Variants in IGSF21 observed in about 807,000 individuals in gnomAD.
IGSF21 encodes immunoglobulin superfamily member 21.
Under a neutral mutation model 46.8 loss-of-function variants are expected in IGSF21, and 28 were observed. That is an observed-to-expected ratio of 0.60 (90% CI 0.44 to 0.82). The LOEUF is 0.82. Among genes scored for constraint, IGSF21 ranks in the 40% least tolerant of loss-of-function variants. The pLI is 0.00. For missense variants in IGSF21, 624 were observed against 665.5 expected, an observed-to-expected ratio of 0.94 and a Z score of 0.69; for synonymous variants, 284 against 273.6, an observed-to-expected ratio of 1.04 and a Z score of -0.38.
At chr1:18,347,338 C>T (rs559952352) in intron 4 of IGSF21, among the ~76,000 whole-genome samples, 45 of 152,290 alleles carry the variant, frequency 3.0e-4, no homozygotes, top group African/African-American at 1.1e-3. Flanking sequence ...AGGAGACATG[C>T]CCACTGTCCC....
At chr1:18,336,771 A>G (rs2124607849) in intron 4 of IGSF21, among the ~76,000 whole-genome samples, 1 of 152,204 alleles carries the variant, frequency 6.6e-6, no homozygotes, top group African/African-American at 2.4e-5. Flanking sequence ...GTTGCTGATA[A>G]AGACATACCC....
intron 4 of IGSF21, among the ~76,000 whole-genome samples, chr1:18,350,135 C>T (rs2085936711): frequency 6.6e-6 from 1 of 152,094 alleles, no homozygotes; most frequent in Non-Finnish European, 1.5e-5. Context: ...ACCCACTGTC[C>T]ACTTGGCTTG....
intron 1 of IGSF21, chr1:18,114,906 C>T (rs2086175222): frequency 6.6e-6 from 1 of 152,240 alleles, no homozygotes; most frequent in Non-Finnish European, 1.5e-5. Flanking sequence ...TGCTTACAGG[C>T]CAGTAAGCTT....
At chr1:18,172,636 T>G (rs572472278) in intron 1 of IGSF21, among the ~76,000 whole-genome samples, 90 of 152,320 alleles carry the variant, frequency 5.9e-4, no homozygotes, top group African/African-American at 2.1e-3. Flanking sequence ...TCCTATCAGA[T>G]TAGTACCCCA....
intron 1 of IGSF21, among the ~76,000 whole-genome samples, chr1:18,117,097 G>T (rs1212220498): frequency 2.0e-5 from 3 of 152,214 alleles, no homozygotes; most frequent in Admixed American, 2.0e-4. Flanking sequence ...GCTCTAGGAA[G>T]ATTAATTTGG....
At chr1:18,353,799 C>T (rs1028810993) in intron 4 of IGSF21, among the ~76,000 whole-genome samples, 51 of 152,170 alleles carry the variant, frequency 3.4e-4, no homozygotes, top group African/African-American at 1.2e-3. Flanking sequence ...GTGTTTGGCG[C>T]ATGGTGATGG....
At chr1:18,185,693 A>G (rs928840782) in intron 1 of IGSF21, among the ~76,000 whole-genome samples, 1 of 151,964 alleles carries the variant, frequency 6.6e-6, no homozygotes, top group African/African-American at 2.4e-5. Context: ...AAGCAACTTT[A>G]CCTCTCCGTG....
chr1:18,257,983 G>A (rs746422668), intron 2 of IGSF21, among the ~76,000 whole-genome samples: 15 of 152,292 alleles, frequency 9.8e-5, no homozygotes, highest in South Asian at 2.1e-4. Context: ...AGGCAGGGCC[G>A]CTGGCTGCTG....
intron 3 of IGSF21, among the ~76,000 whole-genome samples, chr1:18,319,418 A>G (rs1486316632): frequency 6.6e-6 from 1 of 152,242 alleles, no homozygotes; most frequent in Non-Finnish European, 1.5e-5. Flanking sequence ...ATTTTGGGCA[A>G]CCATGTGTCC....
At chr1:18,312,796 G>T (rs1214104437) in intron 3 of IGSF21, among the ~76,000 whole-genome samples, 1 of 152,202 alleles carries the variant, frequency 6.6e-6, no homozygotes, top group African/African-American at 2.4e-5. Flanking sequence ...ACATTGACAG[G>T]TTCCAGGGAT....
chr1:18,318,175 G>A (rs1372040336), intron 3 of IGSF21, among the ~76,000 whole-genome samples: 1 of 152,208 alleles, frequency 6.6e-6, no homozygotes. Context: ...CATTTCCTGA[G>A]CCAGTGTAAC....
chr1:18,297,223 T>G (rs1387726523), intron 3 of IGSF21, among the ~76,000 whole-genome samples: 2 of 152,158 alleles, frequency 1.3e-5, no homozygotes, highest in African/African-American at 4.8e-5. Context: ...ATGTGGTAGA[T>G]GATTTGTAAA....
At position 18,347,370 on chromosome 1, in the gene IGSF21, A is replaced by C. The variant is rs11802241; in HGVS notation, c.424+12360A>C. ...TCCCACAGCAGTGAGTGGCGCTGAGATTGGAGCTCAGGTCTTCTGGGACCA... is the reference window on the plus strand; with the variant it reads ...TCCCACAGCAGTGAGTGGCGCTGAGCTTGGAGCTCAGGTCTTCTGGGACCA... On this transcript the variant is annotated intron_variant, in intron 4 of 9. Transcript: ENST00000251296. 8.8e-3 allele frequency among the ~76,000 whole-genome samples: 1,332 copies of C among 152,222 alleles called. 23 individuals carry two copies. Among genetic ancestry groups the C allele is most frequent in the African/African-American group, 0.031 (1,290 of 41,532 alleles).
intron 1 of IGSF21, among the ~76,000 whole-genome samples, chr1:18,162,853 G>A (rs561580994): frequency 1.7e-4 from 26 of 152,254 alleles, no homozygotes; most frequent in Admixed American, 4.6e-4. Flanking sequence ...CCAAAAGGAA[G>A]GAGCCGCTCT....
At chr1:18,216,060 G>A (rs747326629) in intron 1 of IGSF21, among the ~76,000 whole-genome samples, 24 of 152,184 alleles carry the variant, frequency 1.6e-4, no homozygotes, top group Non-Finnish European at 2.6e-4. Flanking sequence ...TATTACAATG[G>A]AATGTGTTTG....
chr1:18,331,273 C>T (rs950974413), intron 3 of IGSF21, among the ~76,000 whole-genome samples: 7 of 152,084 alleles, frequency 4.6e-5, no homozygotes, highest in African/African-American at 1.4e-4. Context: ...CACCTTTTCC[C>T]CCAAATTCCC....
Position 18,337,612 on chromosome 1 carries a change from T to C in IGSF21, c.424+2602T>C, listed in dbSNP as rs2085783924. Reference sequence around the variant, plus strand: ...CAACCTGGAAGCCAGGGTGTGTCTCTGGGAGTGGCAGAGACAGGGGTCTCT... The same window carrying C: ...CAACCTGGAAGCCAGGGTGTGTCTCCGGGAGTGGCAGAGACAGGGGTCTCT... On this transcript the variant is annotated intron_variant, in intron 4 of 9. Coordinates refer to ENST00000251296, the MANE Select transcript of IGSF21 (RefSeq NM_032880.5). This position sits in a 1 kb window ranked among gnomAD's most constrained non-coding sequence, Gnocchi z 5.7. 6.7e-6 allele frequency among the ~76,000 whole-genome samples: 1 copy of C among 150,058 alleles called. No homozygotes were observed. The highest frequency in any genetic ancestry group is 2.1e-4 in the East Asian group (1 of 4,838).
intron 2 of IGSF21, among the ~76,000 whole-genome samples, chr1:18,271,147 A>G (rs2085038955): frequency 6.6e-6 from 1 of 152,164 alleles, no homozygotes; most frequent in Non-Finnish European, 1.5e-5. Flanking sequence ...TCTATGAAGC[A>G]TTGTCTCACT....
chr1:18,121,855 T>C (rs554589935), intron 1 of IGSF21, among the ~76,000 whole-genome samples: 1 of 152,352 alleles, frequency 6.6e-6, no homozygotes, highest in South Asian at 2.1e-4. Context: ...CCCTGTTCCA[T>C]GTACCCGACT....
Sources: allele counts gnomAD v4.1 joint callset (sites outside exome capture counted in the v4.1 genomes callset), GRCh38; gene constraint gnomAD v4.1.1; non-coding constraint Gnocchi (gnomAD v3.1); transcripts MANE v1.5; gene names NCBI Gene and HGNC (gene_info 2026-07-23, HGNC 2026-07-21).